Variants in PALD1 observed in about 807,000 individuals in gnomAD.
The protein encoded by PALD1 is phosphatase domain containing paladin 1.
In PALD1, 57 loss-of-function variants were observed where a neutral mutation model predicts 96.0. The observed-to-expected ratio is 0.59, with a 90% confidence interval of 0.48 to 0.74. The LOEUF is 0.74. Among genes scored for constraint, PALD1 ranks in the 30% least tolerant of loss-of-function variants. The pLI, the probability that PALD1 is intolerant of heterozygous loss-of-function variation, is 0.00. For synonymous variants in PALD1, 464 were observed against 473.6 expected (o/e 0.98, Z 0.26); for missense variants, 1,063 against 1,143.7 (o/e 0.93, Z 1.02).
At chr10:70,464,080 G>A in the PALD1 span, among the ~76,000 whole-genome samples, 1 of 152,080 alleles carries the variant, frequency 6.6e-6, no homozygotes, top group African/African-American at 2.4e-5. Context: ...CCCTCGGGCC[G>A]CTCCCAGTCA....
At chr10:70,508,802 T>TGTGG in intron 1 of PALD1, among the ~76,000 whole-genome samples, 1 of 122,640 alleles carries the variant, frequency 8.2e-6, no homozygotes, top group East Asian at 2.3e-4. Context: ...TGTGTGTGTG[T>TGTGG]GTGTGTGTGT....
In PALD1 at chr10:70,541,219, G is replaced by A. The variant is rs1485439589; in HGVS notation, c.2026G>A (p.Val676Ile). The A allele has an allele frequency of 8.7e-6, 14 of 1,609,450 alleles. No individual in the cohort carries two copies. Among genetic ancestry groups the A allele is most frequent in the Non-Finnish European group, 1.2e-5 (14 of 1,178,424 alleles). ...GRTTTAMVVAVLAFWHIQGFP... is the reference protein window; with the variant it reads ...GRTTTAMVVAILAFWHIQGFP... ...TACCACAACTGCGATGGTGGTGGCTGTCCTGGCCTTCTGGCACATCCAAGT... is the reference window on the plus strand; with the variant it reads ...TACCACAACTGCGATGGTGGTGGCTATCCTGGCCTTCTGGCACATCCAAGT... Residue 676 changes from valine to isoleucine, a missense_variant, in exon 16 of 20, where the codon GTC becomes ATC. Physicochemically the swap from Val to Ile is conservative, Grantham distance 29 (BLOSUM62 3). Coordinates refer to ENST00000263563, the MANE Select transcript of PALD1 (RefSeq NM_014431.3).
the PALD1 span, among the ~76,000 whole-genome samples, chr10:70,471,283 T>G: frequency 6.6e-6 from 1 of 152,240 alleles, no homozygotes; most frequent in African/African-American, 2.4e-5. Flanking sequence ...CATTTATTAC[T>G]CTTATCCCTG....
Position 70,539,840 on chromosome 10 carries a change from G to T in PALD1, c.1908+78G>T. 11 of 1,332,340 alleles carry T rather than the reference G, an allele frequency of 8.3e-6. No homozygotes were observed. Among genetic ancestry groups the T allele is most frequent in the East Asian group, 2.5e-5 (1 of 40,618 alleles). The allele number at this position is 1,332,340 out of a possible 1,614,324, so 82.5% of individuals were successfully genotyped here. A position where few individuals can be genotyped will look rare whatever the true frequency, so the allele number is the denominator to read the frequency against. On this transcript the variant is annotated intron_variant, in intron 15 of 19. Coordinates refer to ENST00000263563, the MANE Select transcript of PALD1 (RefSeq NM_014431.3). The surrounding 1 kb of genome is among the most constrained non-coding windows in gnomAD (Gnocchi z 4.5). Reference sequence around the variant, plus strand: ...GTCTCCCCTCTGGTCTGGGCTCTGGGAGAATGAAACGACCCCAGCTTCTCT... The same window carrying T: ...GTCTCCCCTCTGGTCTGGGCTCTGGTAGAATGAAACGACCCCAGCTTCTCT...
At chr10:70,468,355 TG>T in the PALD1 span, among the ~76,000 whole-genome samples, 1 of 152,000 alleles carries the variant, frequency 6.6e-6, no homozygotes, top group East Asian at 1.9e-4. Flanking sequence ...ACGATTCTCC[TG>T]CCTCAGCTTC....
chr10:70,479,018 G>C lies in PALD1; in HGVS notation c.-71G>C, dbSNP rs1425232355. On this transcript the variant is annotated 5_prime_UTR_variant, in exon 1 of 20. Coordinates refer to ENST00000263563, the MANE Select transcript of PALD1 (RefSeq NM_014431.3). ...CCCGCAGTTCGGGCGCAGCACGCCG[G>C]CCGCAGGAGCACGGATGCCCCCCGG... 1 of 152,056 alleles carries C rather than the reference G, an allele frequency of 6.6e-6. No homozygotes were observed. The highest frequency in any genetic ancestry group is 1.5e-5 in the Non-Finnish European group (1 of 68,040). 9.4% of individuals were successfully genotyped at this position (152,056 alleles called of 1,614,324 possible). A position where few individuals can be genotyped will look rare whatever the true frequency, so the allele number is the denominator to read the frequency against.
intron 1 of PALD1, among the ~76,000 whole-genome samples, chr10:70,516,420 T>G (rs1309992146): frequency 6.6e-6 from 1 of 152,212 alleles, no homozygotes; most frequent in African/African-American, 2.4e-5. Context: ...GCTCCCAGCC[T>G]TGTGTGGCAC....
intron 18 of PALD1, among the ~76,000 whole-genome samples, chr10:70,556,282 C>CT (rs1847607834): frequency 8.3e-6 from 1 of 120,990 alleles, no homozygotes; most frequent in African/African-American, 3.4e-5. Flanking sequence ...GCCGAGACCT[C>CT]TCTCTCTCTC....
chr10:70,539,460 G>C lies in PALD1; in HGVS notation c.1726-120G>C, dbSNP rs1011675769. 15 of 1,075,026 alleles carry C rather than the reference G, an allele frequency of 1.4e-5. No homozygotes were observed. Among genetic ancestry groups the C allele is most frequent in the East Asian group, 7.8e-5 (3 of 38,556 alleles). 66.6% of individuals were successfully genotyped at this position (1,075,026 alleles called of 1,614,324 possible). On this transcript the variant is annotated intron_variant, in intron 14 of 19. Coordinates refer to ENST00000263563, the MANE Select transcript of PALD1 (RefSeq NM_014431.3). The surrounding 1 kb of genome is among the most constrained non-coding windows in gnomAD (Gnocchi z 4.5). ...GGGTGGCTGTGACCCCTGAGGCTTG[G>C]GGGGGTCAGGGATGGGACTGGAAGC...
intron 1 of PALD1, among the ~76,000 whole-genome samples, chr10:70,482,450 C>T (rs1845949304): frequency 6.6e-6 from 1 of 152,190 alleles, no homozygotes; most frequent in East Asian, 1.9e-4. Context: ...GTAACTGGTG[C>T]TCAGCACAGG....
chr10:70,561,777 G>A (rs536215763), intron 18 of PALD1, among the ~76,000 whole-genome samples: 4 of 152,232 alleles, frequency 2.6e-5, no homozygotes, highest in Non-Finnish European at 4.4e-5. Context: ...CTGGGAGGGG[G>A]TTCCCTGGGG....
chr10:70,566,082 A>T (rs1182955581), intron 19 of PALD1, among the ~76,000 whole-genome samples: 1 of 151,998 alleles, frequency 6.6e-6, no homozygotes, highest in Admixed American at 6.5e-5. Flanking sequence ...CTTCCCCAGG[A>T]TGGTGGAGAG....
chr10:70,468,135 G>T, the PALD1 span, among the ~76,000 whole-genome samples: 1 of 152,186 alleles, frequency 6.6e-6, no homozygotes, highest in Middle Eastern at 3.2e-3. Flanking sequence ...CCAGAAGCCT[G>T]GTCAGGGGAC....
the PALD1 span, among the ~76,000 whole-genome samples, chr10:70,469,811 T>A: frequency 6.6e-6 from 1 of 152,142 alleles, no homozygotes. Flanking sequence ...TTCTTTTTTT[T>A]GAGATGGAGT....
At chr10:70,562,942 A>T (rs1847771813) in intron 18 of PALD1, among the ~76,000 whole-genome samples, 1 of 152,074 alleles carries the variant, frequency 6.6e-6, no homozygotes, top group Non-Finnish European at 1.5e-5. Context: ...CTTCCTCCTG[A>T]GCACAAATCT....
chr10:70,482,557 A>G (rs1256353403), intron 1 of PALD1, among the ~76,000 whole-genome samples: 1 of 152,186 alleles, frequency 6.6e-6, no homozygotes, highest in African/African-American at 2.4e-5. Context: ...GTCTGGAAGC[A>G]CTGGCCTTTA....
chr10:70,523,088 C>G (rs762336543), intron 1 of PALD1, among the ~76,000 whole-genome samples: 19 of 152,248 alleles, frequency 1.2e-4, no homozygotes, highest in Non-Finnish European at 2.5e-4. Context: ...GGACATTGCT[C>G]TCCCACCCCT....
chr10:70,522,425 G>A (rs559081957), intron 1 of PALD1, among the ~76,000 whole-genome samples: 4 of 152,312 alleles, frequency 2.6e-5, no homozygotes, highest in South Asian at 4.1e-4. Flanking sequence ...TCAGCCCAGC[G>A]TCTGTAGGCA....
intron 1 of PALD1, among the ~76,000 whole-genome samples, chr10:70,513,214 G>T (rs543862671): frequency 4.7e-4 from 72 of 152,258 alleles, no homozygotes; most frequent in African/African-American, 1.7e-3. Flanking sequence ...GAAAGAGTTC[G>T]CCGGGTGCGG....
Sources: gnomAD v4.1 joint callset for allele counts (sites outside exome capture counted in the v4.1 genomes callset) on GRCh38, gnomAD v4.1.1 for gene constraint, Gnocchi (gnomAD v3.1) non-coding constraint, MANE v1.5 for transcripts, NCBI Gene and HGNC (gene_info 2026-07-23, HGNC 2026-07-21) for gene names.